The following KDM1A variants were observed in gnomAD, a reference collection of about 807,000 sequenced individuals.
The protein encoded by KDM1A is lysine-specific histone demethylase 1A.
A neutral mutation model predicts 109.4 loss-of-function variants in KDM1A; 49 were observed. That is an observed-to-expected ratio of 0.45 (90% CI 0.36 to 0.57). KDM1A has a LOEUF of 0.57. KDM1A is among the 20% of genes least tolerant of loss of function. The probability of loss-of-function intolerance (pLI) is 0.00; values close to 1 mark genes in which losing one functional copy is unlikely to be tolerated. For missense variants in KDM1A, 668 were observed against 1,116.6 expected, an observed-to-expected ratio of 0.60 and a Z score of 5.73; for synonymous variants, 380 against 415.4, an observed-to-expected ratio of 0.91 and a Z score of 1.04.
chr1:23,068,520 CT>C lies in KDM1A; in HGVS notation c.1180-18del. 4.5e-6 allele frequency: 7 copies of C among 1,560,336 alleles called. No homozygotes were observed. Among genetic ancestry groups the C allele is most frequent in the Non-Finnish European group, 6.0e-6 (7 of 1,161,462 alleles). On this transcript the variant is annotated intron_variant, in intron 10 of 20. Coordinates refer to ENST00000400181, the MANE Select transcript of KDM1A (RefSeq NM_001009999.3). ...TTTAGTTTTATAAGGACCAACTCTGCTATACTTCGGATTTTCAGGTTCCTAA... is the reference window on the plus strand; with the variant it reads ...TTTAGTTTTATAAGGACCAACTCTGCATACTTCGGATTTTCAGGTTCCTAA...
intron 16 of KDM1A, among the ~76,000 whole-genome samples, chr1:23,077,917 A>G (rs947430376): frequency 2.0e-5 from 3 of 152,164 alleles, no homozygotes; most frequent in Non-Finnish European, 4.4e-5. Context: ...TTCTTCAGAG[A>G]TAGAGTTTCC....
chr1:23,047,439 A>G (rs1441135876), intron 3 of KDM1A, among the ~76,000 whole-genome samples: 2 of 152,200 alleles, frequency 1.3e-5, no homozygotes, highest in African/African-American at 2.4e-5. Context: ...TTCCAAGCAT[A>G]CATTAATGTC....
chr1:23,082,532 A>G, intron 20 of KDM1A, 166 bp downstream of exon 20: 1 of 663,120 alleles, frequency 1.5e-6, no homozygotes, highest in Non-Finnish European at 2.4e-6. Flanking sequence ...ATTTCTCATA[A>G]TTTGGTTTTG....
At chr1:23,058,817 T>C (rs1474229745) in intron 8 of KDM1A, among the ~76,000 whole-genome samples, 3 of 152,308 alleles carry the variant, frequency 2.0e-5, no homozygotes, top group Admixed American at 2.0e-4. Flanking sequence ...TATGATACTT[T>C]TTTGTGTGGG....
intron 20 of KDM1A, 44 bp from the exon 21 acceptor site, chr1:23,083,135 G>GT (rs748195316): frequency 1.3e-6 from 2 of 1,559,814 alleles, no homozygotes; most frequent in African/African-American, 2.7e-5. Flanking sequence ...AAGAATAAAG[G>GT]TATATGTGCA....
In KDM1A at chr1:23,077,346, G is replaced by A. The variant is rs1181760359; in HGVS notation, c.1853G>A (p.Arg618His). 1.9e-6 allele frequency: 3 copies of A among 1,612,564 alleles called. No homozygotes were observed. The highest frequency in any genetic ancestry group is 2.5e-6 in the Non-Finnish European group (3 of 1,179,028). Residue 618 changes from arginine to histidine, a missense_variant, in exon 16 of 21, where the codon CGC (arginine) becomes CAC (histidine). Coordinates refer to ENST00000400181, the MANE Select transcript of KDM1A (RefSeq NM_001009999.3). ...CTGAATACAGCAGTGCGACAGGTTC[G>A]CTACACGGCTTCAGGTATGTCACTG... is the stretch of plus-strand genomic sequence containing the variant. ...IKLNTAVRQV[R>H]YTASGCEVIA...
At chr1:23,023,269 A>G (rs1260788097) in intron 1 of KDM1A, among the ~76,000 whole-genome samples, 1 of 152,148 alleles carries the variant, frequency 6.6e-6, no homozygotes, top group Non-Finnish European at 1.5e-5. Context: ...CTGGTGTTAT[A>G]TCTAATAAAC....
At chr1:23,080,046 T>C (rs1461678361) in intron 18 of KDM1A, among the ~76,000 whole-genome samples, 1 of 152,240 alleles carries the variant, frequency 6.6e-6, no homozygotes, top group East Asian at 1.9e-4. Flanking sequence ...ACTATGTGTT[T>C]ATGAAATTCC....
intron 6 of KDM1A, chr1:23,055,392 T>C: frequency 7.6e-6 from 2 of 264,656 alleles, no homozygotes; most frequent in Non-Finnish European, 1.4e-5. Context: ...GATAGCTACT[T>C]AGTAAAAGAT....
intron 19 of KDM1A, 118 bp from the exon 20 acceptor site, chr1:23,082,100 TCA>T: frequency 9.7e-7 from 1 of 1,033,198 alleles, no homozygotes; most frequent in South Asian, 1.6e-5. Flanking sequence ...TCACTGGCTC[TCA>T]CATGTTGCCC....
chr1:23,032,740 C>G (rs534979818), intron 2 of KDM1A, among the ~76,000 whole-genome samples: 61 of 152,010 alleles, frequency 4.0e-4, no homozygotes, highest in African/African-American at 1.4e-3. Flanking sequence ...TAGATTGGAC[C>G]CTGATGGTGA....
rs148150162 is a variant in KDM1A at position 23,020,156 on chromosome 1, G to A, written c.351+209G>A. ...GGTGTTGACTGCGGTCTTTGTGCTG[G>A]GTCCCGAGCGACGTGGGAAGGGGCA... On this transcript the variant is annotated intron_variant, in intron 1 of 20. Transcript: ENST00000400181. 2,208 of 466,816 alleles carry A rather than the reference G, an allele frequency of 4.7e-3. 38 individuals are homozygous for A. Among genetic ancestry groups the A allele is most frequent in the East Asian group, 0.018 (502 of 27,962 alleles). 28.9% of individuals were successfully genotyped at this position (466,816 alleles called of 1,614,324 possible).
At chr1:23,072,295 A>T (rs773227060) in intron 14 of KDM1A, 98 bp downstream of exon 14, 4 of 837,012 alleles carry the variant, frequency 4.8e-6, no homozygotes, top group Non-Finnish European at 5.9e-6. Flanking sequence ...GCTTTTATTT[A>T]TGTTCAGTGA....
intron 9 of KDM1A, among the ~76,000 whole-genome samples, chr1:23,060,260 A>G (rs72657824): frequency 0.062 from 9,491 of 152,326 alleles, 382 homozygotes; most frequent in Non-Finnish European, 0.093. Context: ...AGTCCCTGCT[A>G]TAGTGGTGCT....
At position 23,082,344 on chromosome 1, in the gene KDM1A, C is replaced by T. The variant is rs1287803225; in HGVS notation, c.2423C>T (p.Pro808Leu). ...DLMAQPITPGPSIPGAPQPIP... is the reference protein window; with the variant it reads ...DLMAQPITPGLSIPGAPQPIP... The stretch of plus-strand genomic sequence containing the variant: ...ATGGCTCAGCCAATCACTCCTGGCC[C>T]CTCGATTCCAGGTGCCCCACAGGTG... The change falls in exon 20 of 21, where the codon CCC (proline) becomes CTC (leucine). Residue 808 changes from proline to leucine, a missense_variant. By Grantham distance (98) the Pro-to-Leu change is moderately conservative. This residue lies in a region of KDM1A where 69 missense variants were observed against 99.6 expected (regional missense o/e 0.69). Coordinates refer to ENST00000400181, the MANE Select transcript of KDM1A (RefSeq NM_001009999.3). The T allele has an allele frequency of 6.2e-7, 1 of 1,613,244 alleles. No homozygotes were observed. The highest frequency in any genetic ancestry group is 1.3e-5 in the African/African-American group (1 of 74,936).
At chr1:23,023,462 TTCTC>T (rs1440561958) in intron 1 of KDM1A, among the ~76,000 whole-genome samples, 2 of 152,188 alleles carry the variant, frequency 1.3e-5, no homozygotes, top group African/African-American at 2.4e-5. Flanking sequence ...AGACTATTCT[TTCTC>T]TCAGCGAATA....
At chr1:23,034,618 A>G (rs1642088179) in intron 2 of KDM1A, among the ~76,000 whole-genome samples, 1 of 152,160 alleles carries the variant, frequency 6.6e-6, no homozygotes, top group Admixed American at 6.5e-5. Context: ...TCACATGGAA[A>G]CATGACTCCA....
chr1:23,053,128 T>G lies in KDM1A; in HGVS notation c.712-633T>G, dbSNP rs1557549267. ...TATCTAGTTGATCATTAGATTTTTGTGGATTTTATCCACTTAGTATCTCTG... is the reference window on the plus strand; with the variant it reads ...TATCTAGTTGATCATTAGATTTTTGGGGATTTTATCCACTTAGTATCTCTG... On this transcript the variant is annotated intron_variant, in intron 4 of 20. Transcript: ENST00000400181. Among the ~76,000 whole-genome samples the G allele has an allele frequency of 1.4e-4, 21 of 152,354 alleles. No homozygotes were observed. In the South Asian group the frequency reaches 4.4e-3, roughly 32 times the overall value.
chr1:23,034,007 G>C (rs1642068705), intron 2 of KDM1A, among the ~76,000 whole-genome samples: 1 of 152,126 alleles, frequency 6.6e-6, no homozygotes, highest in Admixed American at 6.5e-5. Flanking sequence ...GAAAAAGTTT[G>C]GGTGTTTTTG....
Sources: gnomAD v4.1 joint callset for allele counts (sites outside exome capture counted in the v4.1 genomes callset) on GRCh38, gnomAD v4.1.1 for gene constraint, gnomAD v4.1.1 regional missense constraint, MANE v1.5 for transcripts, NCBI Gene and HGNC (gene_info 2026-07-23, HGNC 2026-07-21) for gene names.